The following TMEM131L variants were observed in gnomAD, a reference collection of about 807,000 sequenced individuals.
The protein encoded by TMEM131L is transmembrane 131 like.
Under a neutral mutation model 192.2 loss-of-function variants are expected in TMEM131L, and 54 were observed. That is an observed-to-expected ratio of 0.28 (90% CI 0.23 to 0.35). The LOEUF is 0.35. Among genes scored for constraint, TMEM131L ranks in the 10% least tolerant of loss-of-function variants. TMEM131L has a pLI of 1.00. For missense variants in TMEM131L, 1,888 were observed against 1,972.9 expected (o/e 0.96, Z 0.82); for synonymous variants, 701 against 704.9 (o/e 0.99, Z 0.09).
At chr4:153,630,853 G>T (rs537680523) in intron 31 of TMEM131L, among the ~76,000 whole-genome samples, 4 of 152,166 alleles carry the variant, frequency 2.6e-5, no homozygotes, top group Non-Finnish European at 4.4e-5. Flanking sequence ...CCAGCTGGCC[G>T]CAGTGGAGAA....
intron 2 of TMEM131L, among the ~76,000 whole-genome samples, chr4:153,469,242 TCATC>T (rs1243760115): frequency 2.0e-5 from 3 of 152,028 alleles, no homozygotes; most frequent in Non-Finnish European, 2.9e-5. Context: ...TCTAAATACT[TCATC>T]CATATCTCTA....
intron 3 of TMEM131L, among the ~76,000 whole-genome samples, chr4:153,482,799 A>G (rs759681774): frequency 7.9e-5 from 12 of 151,972 alleles, no homozygotes; most frequent in Non-Finnish European, 1.6e-4. Context: ...AGGTCTTCCT[A>G]TGTTGCCCAC....
chr4:153,530,931 A>G (rs1735854861), intron 3 of TMEM131L, among the ~76,000 whole-genome samples: 1 of 152,162 alleles, frequency 6.6e-6, no homozygotes, highest in Non-Finnish European at 1.5e-5. Flanking sequence ...TGAACTCTTC[A>G]GTGATTTTAT....
intron 3 of TMEM131L, among the ~76,000 whole-genome samples, chr4:153,499,631 T>C (rs1733447437): frequency 6.6e-6 from 1 of 152,200 alleles, no homozygotes; most frequent in Non-Finnish European, 1.5e-5. Flanking sequence ...TTCACCATGT[T>C]GGCCAGGATG....
chr4:153,481,883 TG>T (rs1209017828), intron 3 of TMEM131L, among the ~76,000 whole-genome samples: 1 of 152,008 alleles, frequency 6.6e-6, no homozygotes, highest in Non-Finnish European at 1.5e-5. Context: ...AGTCTCACTC[TG>T]TCAGCAGGCT....
At chr4:153,497,073 A>G (rs1733227195) in intron 3 of TMEM131L, among the ~76,000 whole-genome samples, 2 of 150,982 alleles carry the variant, frequency 1.3e-5, no homozygotes, top group South Asian at 2.1e-4. Flanking sequence ...TGTTGCCCAG[A>G]CTGGTCTTGA....
chr4:153,509,894 G>A (rs574931172), intron 3 of TMEM131L, among the ~76,000 whole-genome samples: 1 of 152,298 alleles, frequency 6.6e-6, no homozygotes, highest in African/African-American at 2.4e-5. Flanking sequence ...CGTCGGGATT[G>A]CTTTTGTAGT....
intron 3 of TMEM131L, among the ~76,000 whole-genome samples, chr4:153,492,130 T>C (rs956331987): frequency 1.3e-5 from 2 of 151,558 alleles, no homozygotes; most frequent in African/African-American, 4.9e-5. Flanking sequence ...GCCTTCCAAG[T>C]AGTGGGGACT....
chr4:153,556,938 A>G (rs1246362549), intron 5 of TMEM131L, 28 bp from the exon 6 acceptor site: 1 of 1,087,186 alleles, frequency 9.2e-7, no homozygotes, highest in Admixed American at 2.0e-5. Context: ...GGCCATTCCA[A>G]GTGGCTGACT....
At chr4:153,585,740 A>T (rs919078561) in intron 13 of TMEM131L, 129 bp downstream of exon 13, 1 of 546,066 alleles carries the variant, frequency 1.8e-6, no homozygotes, top group African/African-American at 2.0e-5. Context: ...TTTATATAAA[A>T]TTTTATGATT....
In TMEM131L at chr4:153,466,436, C is replaced by T. The variant is rs1384754694; in HGVS notation, c.39C>T (p.Cys13=). Residue 13 remains cysteine, a synonymous_variant, in exon 1 of 35, where the codon TGC becomes TGT. Transcript: ENST00000409959. ...GLRRPQPGCY[C]RTAAAVNLLL... is the part of the protein sequence containing the mutation. ...GACGCCCGCAGCCCGGCTGCTACTG[C>T]CGCACCGCGGCGGCCGTGAACCTCC... 2 of 1,410,208 alleles carry T rather than the reference C, an allele frequency of 1.4e-6. No individual in the cohort carries two copies. Among genetic ancestry groups the T allele is most frequent in the East Asian group, 3.0e-5 (1 of 33,182 alleles). 87.4% of individuals were successfully genotyped at this position (1,410,208 alleles called of 1,614,324 possible).
intron 17 of TMEM131L, among the ~76,000 whole-genome samples, chr4:153,591,549 C>T (rs907226958): frequency 1.8e-4 from 27 of 152,132 alleles, no homozygotes; most frequent in African/African-American, 5.6e-4. Context: ...ACTGAGGCTC[C>T]CCTCCCTGTC....
At chr4:153,569,662 T>C (rs989496363) in intron 7 of TMEM131L, among the ~76,000 whole-genome samples, 1 of 152,252 alleles carries the variant, frequency 6.6e-6, no homozygotes, top group African/African-American at 2.4e-5. Flanking sequence ...TCTGAGTGAC[T>C]GTAGCCAAGT....
rs762917240 is a variant in TMEM131L, at chr4:153,598,719, G to A, written c.2253G>A (p.Met751Ile). ...TTAAGGTGCCCGAGTCCACGCTGAT[G>A]GACTGCCGTAGACGTGAGTTCATAT... ...LRFKVPESTLMDCRRQLKDSK... is the reference protein window; with the variant it reads ...LRFKVPESTLIDCRRQLKDSK... The change falls in exon 21 of 35, where the codon ATG becomes ATA. Residue 751 changes from methionine (M) to isoleucine (I), a missense_variant. By Grantham distance (10) the Met-to-Ile change is conservative (BLOSUM62 1). Transcript: ENST00000409959. 12 of 1,613,658 alleles carry A rather than the reference G, an allele frequency of 7.4e-6. No individual in the cohort carries two copies. The highest frequency in any genetic ancestry group is 8.5e-6 in the Non-Finnish European group (10 of 1,179,708).
At chr4:153,505,685 A>G (rs1266860393) in intron 3 of TMEM131L, among the ~76,000 whole-genome samples, 1 of 152,206 alleles carries the variant, frequency 6.6e-6, no homozygotes, top group African/African-American at 2.4e-5. Flanking sequence ...CATTACTGGT[A>G]TGAGACAGTA....
At chr4:153,497,629 T>G (rs1245241606) in intron 3 of TMEM131L, among the ~76,000 whole-genome samples, 1 of 152,178 alleles carries the variant, frequency 6.6e-6, no homozygotes, top group African/African-American at 2.4e-5. Context: ...GTAAAGCGTT[T>G]TCCATGTTGG....
Position 153,555,538 on chromosome 4 carries a change from A to C in TMEM131L, c.309-249A>C, listed in dbSNP as rs1001385754. On this transcript the variant is annotated intron_variant, in intron 4 of 34. Coordinates refer to ENST00000409959, the MANE Select transcript of TMEM131L (RefSeq NM_001131007.2). This position sits in a 1 kb window ranked among gnomAD's most constrained non-coding sequence, Gnocchi z 4.1. ...TGGGTTAAATTTTTCTAACACTGAAACCAATGGAGTGCTACTGTGGGTTGG... is the reference window on the plus strand; with the variant it reads ...TGGGTTAAATTTTTCTAACACTGAACCCAATGGAGTGCTACTGTGGGTTGG... 1.3e-5 allele frequency among the ~76,000 whole-genome samples: 2 copies of C among 152,176 alleles called. No homozygotes were observed. The highest frequency in any genetic ancestry group is 2.9e-5 in the Non-Finnish European group (2 of 68,034).
intron 7 of TMEM131L, among the ~76,000 whole-genome samples, chr4:153,572,227 C>A (rs148211997): frequency 4.7e-4 from 71 of 152,336 alleles, no homozygotes; most frequent in Middle Eastern, 3.4e-3. Context: ...TTATTGTAGT[C>A]AACTGCAGTC....
chr4:153,497,855 TTC>T (rs563781515), intron 3 of TMEM131L, among the ~76,000 whole-genome samples: 255 of 150,860 alleles, frequency 1.7e-3, no homozygotes, highest in Middle Eastern at 6.8e-3. Context: ...AATCTTTTTT[TTC>T]TTTTTGTTAT....
Sources: gnomAD v4.1 joint callset for allele counts (sites outside exome capture counted in the v4.1 genomes callset) on GRCh38, gnomAD v4.1.1 for gene constraint, Gnocchi (gnomAD v3.1) non-coding constraint, MANE v1.5 for transcripts, NCBI Gene and HGNC (gene_info 2026-07-23, HGNC 2026-07-21) for gene names.